The following SHANK2 variants were observed in gnomAD, a reference collection of about 807,000 sequenced individuals.
SHANK2 encodes SH3 and multiple ankyrin repeat domains protein 2.
Under a neutral mutation model 133.7 loss-of-function variants are expected in SHANK2, and 43 were observed. The observed-to-expected ratio is 0.32, with a 90% CI of 0.25 to 0.41. The LOEUF (loss-of-function observed/expected upper bound fraction) is 0.41, where lower values mean the gene tolerates loss of function less well. SHANK2 is among the 10% of genes least tolerant of loss of function. The pLI, the probability that SHANK2 is intolerant of heterozygous loss-of-function variation, is 1.00. For missense variants in SHANK2, 1,994 were observed against 2,235.8 expected (o/e 0.89, Z 2.18); for synonymous variants, 1,017 against 952.8 (o/e 1.07, Z -1.24).
chr11:71,078,664 G>A (rs1951252441), intron 8 of SHANK2, among the ~76,000 whole-genome samples: 1 of 152,190 alleles, frequency 6.6e-6, no homozygotes, highest in Non-Finnish European at 1.5e-5. Context: ...ACGCCCATCA[G>A]TGTGCCACAT....
chr11:70,898,282 G>GCACACACGCACACA, intron 10 of SHANK2, among the ~76,000 whole-genome samples: 1 of 135,474 alleles, frequency 7.4e-6, no homozygotes, highest in South Asian at 2.5e-4. Flanking sequence ...ATACACACAC[G>GCACACACGCACACA]CACACACACA....
chr11:70,485,735 A>G lies in SHANK2; in HGVS notation c.4558T>C (p.Ser1520Pro). 3 of 1,614,060 alleles carry G rather than the reference A, an allele frequency of 1.9e-6. No homozygotes were observed. The highest frequency in any genetic ancestry group is 2.5e-6 in the Non-Finnish European group (3 of 1,180,020). The change falls in exon 25 of 26, where the codon TCT becomes CCT. Residue 1520 changes from serine to proline, a missense_variant. By Grantham distance (74) the Ser-to-Pro change is moderately conservative (BLOSUM62 -1). Around this residue, in one of 5 missense-constraint regions of SHANK2, gnomAD observed 797 missense variants for 907.4 expected, o/e 0.88. Transcript: ENST00000601538. This position sits in a 1 kb window ranked among gnomAD's most constrained non-coding sequence, Gnocchi z 5.8. ...ISTVSSISTL[S>P]SEGGENVDTC... ...TCCACATTCTCTCCACCTTCGGAAG[A>G]CAGGGTGGAGATGCTAGACACGGTG...
intron 11 of SHANK2, among the ~76,000 whole-genome samples, chr11:70,886,593 C>A (rs528739014): frequency 1.3e-5 from 2 of 152,198 alleles, no homozygotes; most frequent in South Asian, 4.2e-4. Context: ...CAAATCAGAT[C>A]TATTTTATTT....
chr11:70,831,387 ACT>A (rs1231746536), intron 11 of SHANK2, among the ~76,000 whole-genome samples: 1 of 152,034 alleles, frequency 6.6e-6, no homozygotes, highest in South Asian at 2.1e-4. Context: ...TGAACCCCAA[ACT>A]CTCAGCCACC....
intron 17 of SHANK2, among the ~76,000 whole-genome samples, chr11:70,503,740 C>T (rs1554967776): frequency 6.6e-6 from 1 of 152,244 alleles, no homozygotes; most frequent in African/African-American, 2.4e-5. Flanking sequence ...ATCCCCCTGG[C>T]CCCTCTGCTA....
intron 11 of SHANK2, among the ~76,000 whole-genome samples, chr11:70,828,881 C>T (rs990197311): frequency 6.6e-6 from 1 of 152,242 alleles, no homozygotes; most frequent in Non-Finnish European, 1.5e-5. Context: ...TGTCACTGAT[C>T]GATTCCCTCC....
At chr11:70,873,300 G>A (rs1474820489) in intron 11 of SHANK2, among the ~76,000 whole-genome samples, 1 of 152,266 alleles carries the variant, frequency 6.6e-6, no homozygotes, top group Non-Finnish European at 1.5e-5. Context: ...GAGGAGGGCA[G>A]GTGAGAGCTG....
chr11:71,148,864 C>G (rs782280686), intron 2 of SHANK2, among the ~76,000 whole-genome samples: 3 of 152,194 alleles, frequency 2.0e-5, no homozygotes, highest in African/African-American at 4.8e-5. Flanking sequence ...GCCACACAGT[C>G]CTACAGATGG....
At chr11:70,796,946 G>A (rs538743325) in intron 14 of SHANK2, among the ~76,000 whole-genome samples, 41 of 152,260 alleles carry the variant, frequency 2.7e-4, no homozygotes, top group East Asian at 1.4e-3. Context: ...GAAAGAAACC[G>A]TAAAAGGACA....
At chr11:70,651,956 C>A (rs2061344173) in intron 17 of SHANK2, among the ~76,000 whole-genome samples, 1 of 152,228 alleles carries the variant, frequency 6.6e-6, no homozygotes, top group African/African-American at 2.4e-5. Context: ...GTGACAAAGT[C>A]TCTCACAATA....
chr11:70,523,062 ACCT>A (rs1554971383), intron 17 of SHANK2, among the ~76,000 whole-genome samples: 1 of 152,156 alleles, frequency 6.6e-6, no homozygotes, highest in East Asian at 1.9e-4. Flanking sequence ...ACAGGCCCAC[ACCT>A]GCAATGCTGG....
At chr11:70,836,760 AC>A (rs1948824754) in intron 11 of SHANK2, among the ~76,000 whole-genome samples, 2 of 152,226 alleles carry the variant, frequency 1.3e-5, no homozygotes, top group South Asian at 4.1e-4. Context: ...GTAAAGCAGC[AC>A]CTGAGACCAT....
intron 14 of SHANK2, among the ~76,000 whole-genome samples, chr11:70,797,346 G>C (rs1258072294): frequency 6.6e-6 from 1 of 152,156 alleles, no homozygotes; most frequent in African/African-American, 2.4e-5. Context: ...TTAAGTTTGG[G>C]ACATGTCTTA....
At chr11:71,247,333 C>T (rs77245097) in intron 1 of SHANK2, among the ~76,000 whole-genome samples, 2 of 152,072 alleles carry the variant, frequency 1.3e-5, no homozygotes, top group Admixed American at 6.5e-5. Flanking sequence ...AAATTTTAGA[C>T]GTTGACTTTA....
At chr11:70,483,139 A>T (rs1306374161) in intron 25 of SHANK2, among the ~76,000 whole-genome samples, 2 of 152,140 alleles carry the variant, frequency 1.3e-5, no homozygotes, top group Admixed American at 1.3e-4. Flanking sequence ...ATTGCTTACA[A>T]GGGGAAGTGA....
chr11:70,751,940 T>A (rs1946756824), intron 14 of SHANK2, among the ~76,000 whole-genome samples: 1 of 151,498 alleles, frequency 6.6e-6, no homozygotes, highest in Non-Finnish European at 1.5e-5. Flanking sequence ...CCAAAAATTA[T>A]CGGGAAAGAA....
chr11:71,216,052 T>A (rs1555119820), intron 2 of SHANK2, among the ~76,000 whole-genome samples: 1 of 143,506 alleles, frequency 7.0e-6, no homozygotes, highest in African/African-American at 2.6e-5. Context: ...AGCCACTCTC[T>A]GGAACATGGT....
At chr11:70,836,136 G>C (rs782754101) in intron 11 of SHANK2, among the ~76,000 whole-genome samples, 1 of 152,236 alleles carries the variant, frequency 6.6e-6, no homozygotes, top group African/African-American at 2.4e-5. Flanking sequence ...TTGCCCATGG[G>C]GGGCCAGGGG....
chr11:70,840,098 TAC>T (rs1322743859), intron 11 of SHANK2, among the ~76,000 whole-genome samples: 5 of 152,198 alleles, frequency 3.3e-5, no homozygotes, highest in African/African-American at 1.2e-4. Context: ...GGTGACGGCG[TAC>T]AGTCTGGGAA....
Sources: gnomAD v4.1 joint callset for allele counts (sites outside exome capture counted in the v4.1 genomes callset) on GRCh38, gnomAD v4.1.1 for gene constraint, gnomAD v4.1.1 regional missense constraint, Gnocchi (gnomAD v3.1) non-coding constraint, MANE v1.5 for transcripts, NCBI Gene and HGNC (gene_info 2026-07-23, HGNC 2026-07-21) for gene names.